PKLR: variants seen among roughly 807,000 people sequenced by gnomAD.
PKLR encodes the protein pyruvate kinase PKLR.
PKLR carries 38 observed loss-of-function variants against 53.6 expected under a neutral mutation model. That is an observed-to-expected ratio of 0.71 (90% CI 0.55 to 0.93). The LOEUF (loss-of-function observed/expected upper bound fraction) is 0.93. Ranked by LOEUF, PKLR falls within the 40% of genes least tolerant of loss-of-function variation. PKLR has a pLI of 0.00. For missense variants in PKLR, 702 were observed against 787.3 expected (o/e 0.89, Z 1.30); for synonymous variants, 328 against 316.2 (o/e 1.04, Z -0.39).
chr1:155,299,963 A>G, intron 2 of PKLR, 135 bp downstream of exon 2: 2 of 896,350 alleles, frequency 2.2e-6, no homozygotes, highest in Non-Finnish European at 3.6e-6. Context: ...CTTGTCTACT[A>G]TATGCTCAAC....
chr1:155,291,531 G>C (rs1674543403), intron 10 of PKLR, among the ~76,000 whole-genome samples: 1 of 152,092 alleles, frequency 6.6e-6, no homozygotes, highest in Non-Finnish European at 1.5e-5. Flanking sequence ...CTGTGGGCTA[G>C]GGCAGAGTGT....
In PKLR at chr1:155,295,433, T is replaced by C; in HGVS notation, c.507+4A>G. 1.2e-6 allele frequency: 2 copies of C among 1,610,350 alleles called. No homozygotes were observed. The highest frequency in any genetic ancestry group is 1.7e-6 in the Non-Finnish European group (2 of 1,178,376). ...GCCCAGCGAGTCCCAGCCCCACTGC[T>C]CACCCCCTGCAGGATCCCAGTGCGG... On this transcript the variant is annotated splice_donor_region_variant and intron_variant, in intron 4 of 10. Transcript: ENST00000342741. The surrounding 1 kb of genome is among the most constrained non-coding windows in gnomAD (Gnocchi z 4.3).
rs774652817 is a variant in PKLR, at chr1:155,293,438, C to T, written c.1269G>A (p.Ala423=). ...TTTGCTTTTCATTCTGAGCTCCTAC[C>T]GCATGCTGCATCTTCACCGCTTCCA... The part of the protein sequence containing the change: ...FPVEAVKMQH[A]IAREAEAAVY... The change falls in exon 8 of 11, where the codon GCG becomes GCA. Residue 423 remains alanine, a splice_region_variant and synonymous_variant. Coordinates refer to ENST00000342741, the MANE Select transcript of PKLR (RefSeq NM_000298.6). The surrounding 1 kb of genome is among the most constrained non-coding windows in gnomAD (Gnocchi z 4.2). The T allele has an allele frequency of 5.6e-6, 9 of 1,614,098 alleles. No homozygotes were observed. The highest frequency in any genetic ancestry group is 5.5e-5 in the South Asian group (5 of 91,082).
rs1308713901 is a variant in PKLR, at chr1:155,293,066, T to C, written c.1436+111A>G. 1.8e-6 allele frequency: 2 copies of C among 1,113,024 alleles called. No homozygotes were observed. Among genetic ancestry groups the C allele is most frequent in the Non-Finnish European group, 2.8e-6 (2 of 726,868 alleles). 68.9% of individuals were successfully genotyped at this position (1,113,024 alleles called of 1,614,324 possible). ...TGTCATTGCTGCCTCTCCTCTTGTC[T>C]CAGGTGGACACTCTTCACCCCTGGT... On this transcript the variant is annotated intron_variant, in intron 9 of 10. Transcript: ENST00000342741. The surrounding 1 kb of genome is among the most constrained non-coding windows in gnomAD (Gnocchi z 4.2).
chr1:155,293,125 A>G lies in PKLR; in HGVS notation c.1436+52T>C. On this transcript the variant is annotated intron_variant, in intron 9 of 10. Coordinates refer to ENST00000342741, the MANE Select transcript of PKLR (RefSeq NM_000298.6). This position sits in a 1 kb window ranked among gnomAD's most constrained non-coding sequence, Gnocchi z 4.2. ...TAAACCCAAGCCTGGGGCCCGTCCC[A>G]GCCCACCCCTGACCCAAAGCTCCAT... The G allele has an allele frequency of 1.9e-6, 2 of 1,072,470 alleles. No individual in the cohort carries two copies. The highest frequency in any genetic ancestry group is 1.2e-5 in the South Asian group (1 of 80,578). The allele number at this position is 1,072,470 out of a possible 1,614,324, so 66.4% of individuals were successfully genotyped here. A position where few individuals can be genotyped will look rare whatever the true frequency, so the allele number is the denominator to read the frequency against.
rs1647375018 is a variant in PKLR at position 155,293,867 on chromosome 1, T to A, written c.1117-277A>T. On this transcript the variant is annotated intron_variant, in intron 7 of 10. Coordinates refer to ENST00000342741, the MANE Select transcript of PKLR (RefSeq NM_000298.6). The surrounding 1 kb of genome is among the most constrained non-coding windows in gnomAD (Gnocchi z 4.2). Reference sequence around the variant, plus strand: ...TACAGTGTGGGCTGGGTGCAGTGGCTCACACCTGTAATCCCAGCACTTTGG... The same window carrying A: ...TACAGTGTGGGCTGGGTGCAGTGGCACACACCTGTAATCCCAGCACTTTGG... Among the ~76,000 whole-genome samples the A allele has an allele frequency of 6.6e-6, 1 of 152,208 alleles. No individual in the cohort carries two copies. The highest frequency in any genetic ancestry group is 1.5e-5 in the Non-Finnish European group (1 of 68,026).
At chr1:155,300,321 C>G (rs533422600) in intron 1 of PKLR, 41 bp from the exon 2 acceptor site, 1 of 1,518,400 alleles carries the variant, frequency 6.6e-7, no homozygotes, top group Non-Finnish European at 8.9e-7. Context: ...GTCACCTGCC[C>G]TTCCTCCCCA....
In PKLR at chr1:155,293,528, A is replaced by T. The variant is rs1168490341; in HGVS notation, c.1179T>A (p.Asn393Lys). The T allele has an allele frequency of 9.3e-6, 15 of 1,614,094 alleles. No homozygotes were observed. Among genetic ancestry groups the T allele is most frequent in the Non-Finnish European group, 1.0e-5 (12 of 1,180,048 alleles). ...PTRAETSDVA[N>K]AVLDGADCIM... ...TGCAGTCAGCCCCATCCAGCACAGC[A>T]TTGGCGACATCGCTTGTCTCTGCCC... Residue 393 changes from asparagine to lysine, a missense_variant, in exon 8 of 11, where the codon AAT (asparagine) becomes AAA (lysine). By Grantham distance (94) the Asn-to-Lys change is moderately conservative (BLOSUM62 0). This residue lies in a region of PKLR where 519 missense variants were observed against 537.1 expected (regional missense o/e 0.97). Transcript: ENST00000342741. The surrounding 1 kb of genome is among the most constrained non-coding windows in gnomAD (Gnocchi z 4.2).
chr1:155,295,694 G>A lies in PKLR; in HGVS notation c.346C>T (p.Arg116Ter), dbSNP rs971962553. Residue 116 changes from arginine to a stop codon, truncating the protein, a stop_gained, in exon 3 of 11, where the codon CGA becomes TGA. Transcript: ENST00000342741. LOFTEE classifies it high-confidence loss of function. This position sits in a 1 kb window ranked among gnomAD's most constrained non-coding sequence, Gnocchi z 4.3. The part of the protein sequence containing the change: ...EMIKAGMNIA[R>*]LNFSHGSHEY... ...TGGGAGCCGTGGGAGAAGTTGAGTC[G>A]CGCAATGTTCATCCCGGCCTTGATC... is the stretch of plus-strand genomic sequence containing the variant. The A allele has an allele frequency of 1.2e-6, 2 of 1,614,104 alleles. No homozygotes were observed. Among genetic ancestry groups the A allele is most frequent in the Non-Finnish European group, 8.5e-7 (1 of 1,179,998 alleles).
intron 10 of PKLR, among the ~76,000 whole-genome samples, chr1:155,290,989 AAATAATAATAATAAT>A (rs201306934): frequency 0.23 from 31,426 of 133,958 alleles, 4,050 homozygotes; most frequent in East Asian, 0.45. Context: ...CTCCATCTCA[AAATAATAATAATAAT>A]AATAATAATA....
At position 155,295,540 on chromosome 1, in the gene PKLR, C is replaced by T; in HGVS notation, c.404G>A (p.Arg135Gln). The change falls in exon 4 of 11, where the codon CGG (arginine) becomes CAG (glutamine). Residue 135 changes from arginine to glutamine, a missense_variant. Physicochemically the swap from Arg to Gln is conservative, Grantham distance 43 (BLOSUM62 1). Transcript: ENST00000342741. This position sits in a 1 kb window ranked among gnomAD's most constrained non-coding sequence, Gnocchi z 4.3. ...ACCTGCAAAGCTCTCCACCGCCTCC[C>T]GGACGTTGGCGATGGACTCAGCATG... The part of the protein sequence containing the change: ...EYHAESIANV[R>Q]EAVESFAGSP... 1 of 1,613,748 alleles carries T rather than the reference C, an allele frequency of 6.2e-7. No homozygotes were observed. Among genetic ancestry groups the T allele is most frequent in the Non-Finnish European group, 8.5e-7 (1 of 1,179,860 alleles).
the PKLR span, among the ~76,000 whole-genome samples, chr1:155,306,612 C>T: frequency 2.0e-4 from 31 of 152,268 alleles, no homozygotes; most frequent in African/African-American, 6.0e-4. The surrounding 1 kb of genome is among the most constrained non-coding windows in gnomAD (Gnocchi z 4.2). Context: ...CATACACACA[C>T]GTAAACATAC....
intron 9 of PKLR, 108 bp from the exon 10 acceptor site, chr1:155,292,045 G>T: frequency 9.5e-7 from 1 of 1,049,720 alleles, no homozygotes; most frequent in Non-Finnish European, 1.4e-6. Context: ...TGTGACCCTG[G>T]GTAAGTCATC....
At chr1:155,303,677 G>T (rs1419190537), upstream of PKLR, among the ~76,000 whole-genome samples, 1 of 152,188 alleles carries the variant, frequency 6.6e-6, no homozygotes, top group East Asian at 1.9e-4. Context: ...CTAGGCTGGA[G>T]TGCAGTGGCA....
At position 155,293,122 on chromosome 1, in the gene PKLR, C is replaced by G; in HGVS notation, c.1436+55G>C. On this transcript the variant is annotated intron_variant, in intron 9 of 10. Transcript: ENST00000342741. This position sits in a 1 kb window ranked among gnomAD's most constrained non-coding sequence, Gnocchi z 4.2. ...GACTAAACCCAAGCCTGGGGCCCGTCCCAGCCCACCCCTGACCCAAAGCTC... is the reference window on the plus strand; with the variant it reads ...GACTAAACCCAAGCCTGGGGCCCGTGCCAGCCCACCCCTGACCCAAAGCTC... 196 of 1,084,446 alleles carry G rather than the reference C, an allele frequency of 1.8e-4. No homozygotes were observed. The highest frequency in any genetic ancestry group is 2.4e-4 in the Non-Finnish European group (173 of 720,786). The allele number at this position is 1,084,446 out of a possible 1,614,324, so 67.2% of individuals were successfully genotyped here.
At chr1:155,307,010 G>T in the PKLR span, among the ~76,000 whole-genome samples, 1 of 152,162 alleles carries the variant, frequency 6.6e-6, no homozygotes, top group East Asian at 1.9e-4. Flanking sequence ...TGCCTCCCGG[G>T]TTCAAGCGAT....
At chr1:155,298,987 TTTCTTTC>T (rs1647782553) in intron 2 of PKLR, among the ~76,000 whole-genome samples, 1 of 92,744 alleles carries the variant, frequency 1.1e-5, no homozygotes, top group Non-Finnish European at 2.0e-5. Context: ...TCTTTCTTTC[TTTCTTTC>T]TTTCTTTCTT....
At chr1:155,302,502 G>T (rs184729937), upstream of PKLR, among the ~76,000 whole-genome samples, 17 of 152,026 alleles carry the variant, frequency 1.1e-4, no homozygotes, top group African/African-American at 4.1e-4. Context: ...TTCCCAAAGT[G>T]CTGGGATTAC....
At chr1:155,302,679 C>T (rs1454987699), upstream of PKLR, among the ~76,000 whole-genome samples, 3 of 150,978 alleles carry the variant, frequency 2.0e-5, no homozygotes, top group Non-Finnish European at 4.4e-5. Context: ...GCCTTGTTTT[C>T]TTTCTTTTTT....
Sources: allele counts gnomAD v4.1 joint callset (sites outside exome capture counted in the v4.1 genomes callset), GRCh38; gene constraint gnomAD v4.1.1; regional missense constraint gnomAD v4.1.1; non-coding constraint Gnocchi (gnomAD v3.1); transcripts MANE v1.5; gene names NCBI Gene and HGNC (gene_info 2026-07-23, HGNC 2026-07-21).